The following WWP1 variants were observed in gnomAD, a reference collection of about 807,000 sequenced individuals.
WWP1 encodes WW domain containing E3 ubiquitin protein ligase 1.
A neutral mutation model predicts 130.6 loss-of-function variants in WWP1; 49 were observed. That is an observed-to-expected ratio of 0.38 (90% CI 0.30 to 0.48). WWP1 has a LOEUF of 0.48. Ranked by LOEUF, WWP1 falls within the 20% of genes least tolerant of loss-of-function variation. WWP1 has a pLI of 0.99. For missense variants in WWP1, 809 were observed against 1,100.6 expected (o/e 0.74, Z 3.75); for synonymous variants, 332 against 367.8 (o/e 0.90, Z 1.11).
At chr8:86,373,306 T>G (rs1002479543) in intron 2 of WWP1, among the ~76,000 whole-genome samples, 22 of 152,184 alleles carry the variant, frequency 1.4e-4, no homozygotes, top group African/African-American at 5.3e-4. Flanking sequence ...AGAAAAATTT[T>G]TATTTTCTGA....
chr8:86,446,918 T>A (rs555996760), intron 18 of WWP1, among the ~76,000 whole-genome samples: 1 of 152,332 alleles, frequency 6.6e-6, no homozygotes, highest in Admixed American at 6.5e-5. Flanking sequence ...GCAGATATAG[T>A]AGAACACAAA....
chr8:86,424,857 AG>A (rs1809523137), intron 9 of WWP1, among the ~76,000 whole-genome samples: 1 of 3,070 alleles, frequency 3.3e-4, no homozygotes, highest in Non-Finnish European at 6.5e-4. Flanking sequence ...GGGGAGGGGG[AG>A]GGGGAGGGGA....
At chr8:86,429,725 C>A (rs1031510780) in intron 11 of WWP1, among the ~76,000 whole-genome samples, 23 of 152,082 alleles carry the variant, frequency 1.5e-4, no homozygotes, top group African/African-American at 5.6e-4. Context: ...AATAATATTG[C>A]CTCATTTAAA....
chr8:86,448,125 A>G (rs374483987), intron 18 of WWP1, 23 bp from the exon 19 acceptor site: 39 of 1,537,456 alleles, frequency 2.5e-5, no homozygotes, highest in Non-Finnish European at 3.4e-5. Flanking sequence ...ATTTTAAATA[A>G]AATTTTTCAT....
chr8:86,439,618 A>G lies in WWP1; in HGVS notation c.1838+945A>G, dbSNP rs912318097. ...GTAAGTAACATCATATTTTGGTTTT[A>G]TGTTTATGTTTTTAGTCCAATCTGA... On this transcript the variant is annotated intron_variant, in intron 17 of 24. Coordinates refer to ENST00000517970, the MANE Select transcript of WWP1 (RefSeq NM_007013.4). 4.1e-4 allele frequency among the ~76,000 whole-genome samples: 62 copies of G among 152,100 alleles called. 1 individual carries two copies. The highest frequency in any genetic ancestry group is 3.2e-3 in the Admixed American group (49 of 15,282).
At chr8:86,372,729 T>C (rs1824397665) in intron 2 of WWP1, among the ~76,000 whole-genome samples, 1 of 152,194 alleles carries the variant, frequency 6.6e-6, no homozygotes. Context: ...TTTGTCCTTA[T>C]ATGCATTGGT....
At chr8:86,373,946 G>C (rs1417379753) in intron 2 of WWP1, 84 bp from the exon 3 acceptor site, 1 of 997,800 alleles carries the variant, frequency 1.0e-6, no homozygotes, top group East Asian at 2.6e-5. Context: ...GAACTTCTTA[G>C]TTGATTTAAA....
At chr8:86,423,811 G>GCCCC (rs373220036) in intron 9 of WWP1, among the ~76,000 whole-genome samples, 35 of 142,916 alleles carry the variant, frequency 2.4e-4, no homozygotes, top group African/African-American at 8.8e-4. Context: ...GGGCAGAGGC[G>GCCCC]CCCCCCCCCC....
intron 1 of WWP1, among the ~76,000 whole-genome samples, chr8:86,350,044 T>C (rs1388705347): frequency 2.6e-5 from 4 of 152,054 alleles, no homozygotes; most frequent in Non-Finnish European, 5.9e-5. Flanking sequence ...TTGAAAAAGC[T>C]TGGGATAAGC....
intron 3 of WWP1, among the ~76,000 whole-genome samples, chr8:86,374,400 A>G (rs1824507136): frequency 2.0e-5 from 3 of 152,168 alleles, no homozygotes; most frequent in African/African-American, 7.2e-5. Context: ...TAAATGATTA[A>G]TAGGATGGAG....
intron 1 of WWP1, among the ~76,000 whole-genome samples, chr8:86,359,095 G>A (rs1190214849): frequency 6.6e-6 from 1 of 152,196 alleles, no homozygotes; most frequent in African/African-American, 2.4e-5. Context: ...AGGTGATTCT[G>A]CCATGCAGCC....
intron 3 of WWP1, among the ~76,000 whole-genome samples, chr8:86,376,731 A>G (rs894753081): frequency 5.9e-5 from 9 of 152,340 alleles, no homozygotes; most frequent in Non-Finnish European, 1.0e-4. Context: ...CAATGCCATG[A>G]CAGTATTTAT....
At chr8:86,409,895 G>T (rs1289671381) in intron 8 of WWP1, among the ~76,000 whole-genome samples, 5 of 151,998 alleles carry the variant, frequency 3.3e-5, no homozygotes, top group African/African-American at 1.2e-4. Flanking sequence ...TACAATTATT[G>T]TATATTAATG....
intron 20 of WWP1, among the ~76,000 whole-genome samples, chr8:86,450,183 A>G (rs1261140887): frequency 6.6e-6 from 1 of 152,088 alleles, no homozygotes; most frequent in African/African-American, 2.4e-5. Flanking sequence ...CTGCTTACCA[A>G]CTTTAATGTA....
chr8:86,435,344 A>G (rs1486810447), intron 14 of WWP1, 108 bp from the exon 15 acceptor site: 8 of 1,165,638 alleles, frequency 6.9e-6, no homozygotes, highest in South Asian at 2.8e-5. Context: ...CCCAGCAGAA[A>G]TCTTCCTGTG....
intron 5 of WWP1, among the ~76,000 whole-genome samples, chr8:86,384,190 C>T (rs72688580): frequency 0.054 from 8,269 of 152,194 alleles, 317 homozygotes; most frequent in Non-Finnish European, 0.086. Flanking sequence ...CTTCAAAAAT[C>T]GAGTCTCTAA....
chr8:86,421,985 G>A (rs1809244025), intron 9 of WWP1, among the ~76,000 whole-genome samples: 1 of 151,970 alleles, frequency 6.6e-6, no homozygotes, highest in East Asian at 1.9e-4. Context: ...TCTTGGTGCA[G>A]GACAACTTAT....
intron 9 of WWP1, among the ~76,000 whole-genome samples, chr8:86,424,140 G>T (rs1303343871): frequency 6.6e-6 from 1 of 150,538 alleles, no homozygotes; most frequent in Non-Finnish European, 1.5e-5. Context: ...GGGCGGCCGG[G>T]CAGAGACACT....
intron 5 of WWP1, among the ~76,000 whole-genome samples, chr8:86,395,103 T>C (rs1226164175): frequency 6.6e-6 from 1 of 152,176 alleles, no homozygotes; most frequent in African/African-American, 2.4e-5. Flanking sequence ...GTCTACACTC[T>C]TGGGCGTACC....
Sources: allele counts gnomAD v4.1 joint callset (sites outside exome capture counted in the v4.1 genomes callset), GRCh38; gene constraint gnomAD v4.1.1; transcripts MANE v1.5; gene names NCBI Gene and HGNC (gene_info 2026-07-23, HGNC 2026-07-21).